HCRTR2: variants seen among roughly 807,000 people sequenced by gnomAD.
HCRTR2 encodes hypocretin receptor 2.
In HCRTR2, 22 loss-of-function variants were observed where a neutral mutation model predicts 49.0. That is an observed-to-expected ratio of 0.45 (90% CI 0.32 to 0.64). The LOEUF is 0.64. Among genes scored for constraint, HCRTR2 ranks in the 30% least tolerant of loss-of-function variants. The pLI, the probability that HCRTR2 is intolerant of heterozygous loss-of-function variation, is 0.04. For synonymous variants in HCRTR2, 236 were observed against 205.3 expected (o/e 1.15, Z -1.28); for missense variants, 491 against 559.4 (o/e 0.88, Z 1.23).
intron 1 of HCRTR2, among the ~76,000 whole-genome samples, chr6:55,119,196 G>A (rs538549790): frequency 6.9e-4 from 105 of 152,016 alleles, no homozygotes; most frequent in Middle Eastern, 6.8e-3. Context: ...ATTGATGGGC[G>A]TTTGGGTTGG....
chr6:55,160,598 T>C (rs905809886), intron 1 of HCRTR2, among the ~76,000 whole-genome samples: 3 of 152,128 alleles, frequency 2.0e-5, no homozygotes, highest in African/African-American at 7.2e-5. Context: ...CCAATTCATG[T>C]GCAAAGATAC....
At chr6:55,257,156 A>G (rs2811239) in intron 3 of HCRTR2, among the ~76,000 whole-genome samples, 126,800 of 152,038 alleles carry the variant, frequency 0.83, 53,342 homozygotes, top group African/African-American at 0.9. Context: ...ATAGGGGCAG[A>G]TAGTGTAAAT....
chr6:55,165,744 A>ATATATATATATATAT (rs1764867205), intron 1 of HCRTR2, among the ~76,000 whole-genome samples: 6 of 128,472 alleles, frequency 4.7e-5, no homozygotes, highest in Non-Finnish European at 9.5e-5. Context: ...TAGTATACAG[A>ATATATATATATATAT]ATATATATAT....
At chr6:55,218,295 G>A (rs1339350278) in intron 1 of HCRTR2, among the ~76,000 whole-genome samples, 2 of 152,148 alleles carry the variant, frequency 1.3e-5, no homozygotes, top group Non-Finnish European at 2.9e-5. Context: ...CCATAGTGAT[G>A]TCACTACAAA....
intron 1 of HCRTR2, among the ~76,000 whole-genome samples, chr6:55,179,076 G>A (rs759989675): frequency 6.6e-5 from 10 of 152,140 alleles, no homozygotes; most frequent in Non-Finnish European, 1.3e-4. Flanking sequence ...GTGTGGAATG[G>A]GGAAATATTT....
intron 1 of HCRTR2, among the ~76,000 whole-genome samples, chr6:55,164,232 T>C (rs1032367197): frequency 6.6e-5 from 10 of 152,310 alleles, no homozygotes; most frequent in African/African-American, 2.2e-4. Context: ...CTCAAGGATC[T>C]AGAACCAGAA....
intron 1 of HCRTR2, among the ~76,000 whole-genome samples, chr6:55,168,249 A>G (rs193069221): frequency 1.1e-4 from 16 of 152,356 alleles, no homozygotes; most frequent in African/African-American, 3.6e-4. Flanking sequence ...CCTGAAGAGT[A>G]TAACAAGTTC....
chr6:55,216,143 T>C (rs1765782041), intron 1 of HCRTR2, among the ~76,000 whole-genome samples: 1 of 152,234 alleles, frequency 6.6e-6, no homozygotes, highest in African/African-American at 2.4e-5. Context: ...AATAGATTAA[T>C]ACATCCATGT....
At chr6:55,138,781 C>A (rs12194100) in intron 1 of HCRTR2, among the ~76,000 whole-genome samples, 1 of 152,158 alleles carries the variant, frequency 6.6e-6, no homozygotes, top group African/African-American at 2.4e-5. Context: ...CTAACATGAG[C>A]AAAAACTCAA....
chr6:55,169,480 G>A lies in HCRTR2; in HGVS notation c.-377-4731G>A, dbSNP rs1431519475. 4.0e-5 allele frequency among the ~76,000 whole-genome samples: 6 copies of A among 151,874 alleles called. No homozygotes were observed. In the Middle Eastern group the frequency reaches 0.01, roughly 258 times the overall value. ...GTTATTTCATTCTCTGTAGCCCACC[G>A]AGAGTGCGTACAGTGACACATGTTA... On this transcript the variant is annotated intron_variant, in intron 1 of 7. Coordinates refer to the HCRTR2 transcript ENST00000615358.
chr6:55,240,186 T>G (rs2127305368), intron 1 of HCRTR2, among the ~76,000 whole-genome samples: 1 of 151,176 alleles, frequency 6.6e-6, no homozygotes, highest in Non-Finnish European at 1.5e-5. Context: ...TGAAACCCCG[T>G]CTCTACTAAA....
upstream of HCRTR2, among the ~76,000 whole-genome samples, chr6:55,173,538 T>C (rs984694121): frequency 5.9e-5 from 9 of 152,178 alleles, no homozygotes; most frequent in African/African-American, 2.2e-4. Flanking sequence ...CATGAGAGAA[T>C]GGCAGGTGAC....
rs181816864 is a variant in HCRTR2 at position 55,221,641 on chromosome 6, G to A, written c.224-26998G>A. Among the ~76,000 whole-genome samples the A allele has an allele frequency of 3.2e-3, 483 of 151,600 alleles. 3 individuals carry two copies. The highest frequency in any genetic ancestry group is 0.01 in the African/African-American group (428 of 41,378). The stretch of plus-strand genomic sequence containing the variant: ...ATCCTGGCTAACACAGTGAAACCCC[G>A]TCTCTACTAAAAATACAAAAAATTA... On this transcript the variant is annotated intron_variant, in intron 1 of 6. Transcript: ENST00000370862.
intron 1 of HCRTR2, among the ~76,000 whole-genome samples, chr6:55,237,823 G>A (rs1316544437): frequency 6.6e-6 from 1 of 152,140 alleles, no homozygotes; most frequent in African/African-American, 2.4e-5. Flanking sequence ...GTATACTTTC[G>A]TACTACAATA....
chr6:55,165,789 A>ATATATATC (rs1764869655), intron 1 of HCRTR2, among the ~76,000 whole-genome samples: 1 of 140,842 alleles, frequency 7.1e-6, no homozygotes, highest in South Asian at 2.3e-4. Flanking sequence ...ATATATATAT[A>ATATATATC]CTCTTACACC....
At chr6:55,268,183 T>C (rs1766898314) in intron 4 of HCRTR2, among the ~76,000 whole-genome samples, 1 of 152,092 alleles carries the variant, frequency 6.6e-6, no homozygotes, top group South Asian at 2.1e-4. Flanking sequence ...ACTAAGAAAA[T>C]AATTTTTTGA....
chr6:55,182,003 T>C (rs892229407), intron 1 of HCRTR2, among the ~76,000 whole-genome samples: 6 of 152,240 alleles, frequency 3.9e-5, no homozygotes, highest in Admixed American at 3.3e-4. Context: ...ATGTGGACTG[T>C]TATTGTTCTG....
intron 1 of HCRTR2, among the ~76,000 whole-genome samples, chr6:55,232,014 T>G (rs1766124189): frequency 6.6e-6 from 1 of 152,166 alleles, no homozygotes; most frequent in Non-Finnish European, 1.5e-5. Context: ...AGAACAGATG[T>G]GTCCTAACCC....
chr6:55,268,583 A>G (rs1387226640), intron 4 of HCRTR2, among the ~76,000 whole-genome samples: 1 of 152,158 alleles, frequency 6.6e-6, no homozygotes, highest in Non-Finnish European at 1.5e-5. Flanking sequence ...AAATTAGACA[A>G]AATAAATTTT....
Sources: gnomAD v4.1 joint callset for allele counts (sites outside exome capture counted in the v4.1 genomes callset) on GRCh38, gnomAD v4.1.1 for gene constraint, MANE v1.5 for transcripts, NCBI Gene and HGNC (gene_info 2026-07-23, HGNC 2026-07-21) for gene names.